LAMB4: variants seen among roughly 807,000 people sequenced by gnomAD.
LAMB4 encodes laminin subunit beta 4.
A neutral mutation model predicts 199.2 loss-of-function variants in LAMB4; 196 were observed. The observed-to-expected ratio is 0.98, with a 90% confidence interval of 0.88 to 1.11. The LOEUF (loss-of-function observed/expected upper bound fraction) is 1.11, where lower values mean the gene tolerates loss of function less well. Among genes scored for constraint, LAMB4 ranks in the 50% least tolerant of loss-of-function variants. The pLI is 0.00. For missense variants in LAMB4, 2,080 were observed against 2,171.2 expected, an observed-to-expected ratio of 0.96 and a Z score of 0.83; for synonymous variants, 744 against 770.6, an observed-to-expected ratio of 0.97 and a Z score of 0.57.
intron 30 of LAMB4, among the ~76,000 whole-genome samples, chr7:108,037,133 G>A (rs1365294327): frequency 6.6e-6 from 1 of 151,856 alleles, no homozygotes; most frequent in Non-Finnish European, 1.5e-5. Context: ...GTATGCATTG[G>A]TATAAAAAGG....
chr7:108,064,314 A>G (rs1446460901), intron 21 of LAMB4, among the ~76,000 whole-genome samples: 2 of 152,158 alleles, frequency 1.3e-5, no homozygotes, highest in African/African-American at 4.8e-5. Context: ...AGGACCCAAG[A>G]CTAATCTCAG....
chr7:108,063,785 A>T lies in LAMB4; in HGVS notation c.3037T>A (p.Ser1013Thr). Residue 1013 changes from serine (S) to threonine (T), a missense_variant, in exon 22 of 34, where the codon TCA becomes ACA. By Grantham distance (58) the Ser-to-Thr change is moderately conservative. Transcript: ENST00000388781. ...CTTCTGCAGGTCTGATTGAGGGCTG[A>T]TCCATAGTGACCTGGTTTGCAGAGC... ...CQLCKPGHYG[S>T]ALNQTCRRCS... The T allele has an allele frequency of 6.2e-7, 1 of 1,614,102 alleles. No individual in the cohort carries two copies.
In LAMB4 at chr7:108,029,207, C is replaced by T. The variant is rs1411879562; in HGVS notation, c.4993-11G>A. On this transcript the variant is annotated splice_polypyrimidine_tract_variant and intron_variant, in intron 32 of 33. Coordinates refer to ENST00000388781, the MANE Select transcript of LAMB4 (RefSeq NM_007356.3). ...CAGCTCAACAAATTCCTGTAACAAG[C>T]AACACTTGCATCATGAGAAAATATG... 6.2e-7 allele frequency: 1 copy of T among 1,609,274 alleles called. No individual in the cohort carries two copies. The highest frequency in any genetic ancestry group is 1.7e-5 in the Admixed American group (1 of 59,182).
At chr7:108,056,136 C>A (rs2035978801) in intron 24 of LAMB4, 129 bp from the exon 25 acceptor site, 3 of 809,692 alleles carry the variant, frequency 3.7e-6, no homozygotes, top group Non-Finnish European at 5.7e-6. Flanking sequence ...ATATTTAAAG[C>A]CAATATAATT....
chr7:108,019,270 A>T (rs1235164935), downstream of LAMB4, among the ~76,000 whole-genome samples: 1 of 151,948 alleles, frequency 6.6e-6, no homozygotes, highest in Non-Finnish European at 1.5e-5. Context: ...TTCCTCAGCC[A>T]TTGGCCCCTT....
At chr7:108,024,228 T>G (rs1298216950) in intron 33 of LAMB4, 50 bp from the exon 34 acceptor site, 2 of 1,125,332 alleles carry the variant, frequency 1.8e-6, no homozygotes, top group South Asian at 3.2e-5. Flanking sequence ...AATGGATTCC[T>G]GCTGGATACC....
At chr7:108,032,343 T>C (rs940721416) in intron 31 of LAMB4, among the ~76,000 whole-genome samples, 1 of 152,068 alleles carries the variant, frequency 6.6e-6, no homozygotes, top group Non-Finnish European at 1.5e-5. Context: ...TGAGCCGAGA[T>C]TGTGCCATTG....
chr7:108,093,780 G>A (rs1192346740), intron 12 of LAMB4, among the ~76,000 whole-genome samples: 1 of 152,144 alleles, frequency 6.6e-6, no homozygotes, highest in Non-Finnish European at 1.5e-5. Flanking sequence ...AAATGGTCTT[G>A]TTAAGCATCC....
chr7:108,082,938 A>G (rs534226974), intron 14 of LAMB4, among the ~76,000 whole-genome samples: 2 of 152,150 alleles, frequency 1.3e-5, no homozygotes, highest in African/African-American at 4.8e-5. Flanking sequence ...AATTACCACA[A>G]ATTTAACCGT....
chr7:108,031,401 GA>G (rs1198080742), intron 31 of LAMB4, among the ~76,000 whole-genome samples: 1 of 100,126 alleles, frequency 1.0e-5, no homozygotes, highest in African/African-American at 3.6e-5. Flanking sequence ...GAGAAAAAAA[GA>G]AAAAATATAA....
At chr7:108,082,255 G>A (rs777654162) in intron 14 of LAMB4, among the ~76,000 whole-genome samples, 11 of 151,410 alleles carry the variant, frequency 7.3e-5, no homozygotes, top group East Asian at 5.9e-4. Context: ...GTGTGAACCC[G>A]GAAGGCGGAG....
Position 108,088,314 on chromosome 7 carries a change from C to T in LAMB4, c.1701+3312G>A, listed in dbSNP as rs1318924664. On this transcript the variant is annotated intron_variant, in intron 14 of 33. Transcript: ENST00000388781. ...AGTAGCTGGGACTACAGGCGTGTGC[C>T]ACCACGCCCAGCTAATTTTTGTATT... Among the ~76,000 whole-genome samples, 3 of 152,170 alleles carry T rather than the reference C, an allele frequency of 2.0e-5. No homozygotes were observed. In the East Asian group the frequency reaches 5.8e-4, roughly 29 times the overall value.
At chr7:108,016,181 A>G in the LAMB4 span, among the ~76,000 whole-genome samples, 4 of 152,066 alleles carry the variant, frequency 2.6e-5, no homozygotes, top group African/African-American at 7.2e-5. Flanking sequence ...ATTTCTTCCA[A>G]CTAACAGAGT....
At chr7:108,054,878 T>C (rs1485706424) in intron 25 of LAMB4, among the ~76,000 whole-genome samples, 1 of 152,216 alleles carries the variant, frequency 6.6e-6, no homozygotes, top group Non-Finnish European at 1.5e-5. Flanking sequence ...AAAGATTCAG[T>C]AATATGTAGT....
In LAMB4 at chr7:108,104,434, A is replaced by G. The variant is rs1035078662; in HGVS notation, c.991+65T>C. 11 of 1,592,750 alleles carry G rather than the reference A, an allele frequency of 6.9e-6. No homozygotes were observed. In the Admixed American group the frequency reaches 1.7e-4, roughly 25 times the overall value. On this transcript the variant is annotated intron_variant, in intron 9 of 33. Transcript: ENST00000388781. ...CCTGCAGCCCCACAGAAGTGAACGA[A>G]GTGTTTCTTAAATAAGGAAATGCAG...
Position 108,105,884 on chromosome 7 carries a change from T to C in LAMB4, c.803A>G (p.Asn268Ser), listed in dbSNP as rs1187039956. ...AGGGCGACATTCGCTAGCATGGCCATTGCAAAAGCAGCTTCCCCGAACAAT... is the reference window on the plus strand; with the variant it reads ...AGGGCGACATTCGCTAGCATGGCCACTGCAAAAGCAGCTTCCCCGAACAAT... ...EMIVRGSCFC[N>S]GHASECRPMQ... The change falls in exon 8 of 34, where the codon AAT becomes AGT. Residue 268 changes from asparagine (N) to serine (S), a missense_variant. Physicochemically the swap from Asn to Ser is conservative, Grantham distance 46. Coordinates refer to ENST00000388781, the MANE Select transcript of LAMB4 (RefSeq NM_007356.3). The C allele has an allele frequency of 1.2e-6, 2 of 1,614,114 alleles. No individual in the cohort carries two copies. Among genetic ancestry groups the C allele is most frequent in the Admixed American group, 1.7e-5 (1 of 60,010 alleles).
chr7:108,048,229 A>G (rs939577528), intron 27 of LAMB4, 118 bp from the exon 28 acceptor site: 7 of 749,330 alleles, frequency 9.3e-6, no homozygotes, highest in African/African-American at 4.1e-5. Flanking sequence ...CAATAGCGTG[A>G]CCTTGGCTCA....
chr7:108,111,784 A>G (rs953276916), intron 4 of LAMB4, 27 bp downstream of exon 4: 2 of 1,597,528 alleles, frequency 1.3e-6, no homozygotes, highest in African/African-American at 2.7e-5. Context: ...GAAGAAATAA[A>G]CAACTGGAAA....
intron 14 of LAMB4, among the ~76,000 whole-genome samples, chr7:108,082,368 G>C (rs1166581728): frequency 6.7e-6 from 1 of 149,754 alleles, no homozygotes; most frequent in African/African-American, 2.5e-5. Flanking sequence ...CAGAACTTCA[G>C]AGAAGAGCCT....
Sources: allele counts gnomAD v4.1 joint callset (sites outside exome capture counted in the v4.1 genomes callset), GRCh38; gene constraint gnomAD v4.1.1; transcripts MANE v1.5; gene names NCBI Gene and HGNC (gene_info 2026-07-23, HGNC 2026-07-21).